Variants in GABBR2 observed in about 807,000 individuals in gnomAD.
GABBR2 encodes gamma-aminobutyric acid type B receptor subunit 2.
GABBR2 carries 23 observed loss-of-function variants against 105.6 expected under a neutral mutation model. The ratio of observed to expected loss-of-function variants is 0.22; its 90% CI spans 0.16 to 0.31. The LOEUF (loss-of-function observed/expected upper bound fraction) is 0.31, where lower values mean the gene tolerates loss of function less well. GABBR2 is among the 10% of genes least tolerant of loss of function. GABBR2 has a pLI of 1.00. For synonymous variants in GABBR2, 478 were observed against 499.7 expected, an observed-to-expected ratio of 0.96 and a Z score of 0.58; for missense variants, 734 against 1,245.5, an observed-to-expected ratio of 0.59 and a Z score of 6.18.
chr9:98,651,958 T>C (rs748210774), intron 1 of GABBR2, among the ~76,000 whole-genome samples: 2 of 152,132 alleles, frequency 1.3e-5, no homozygotes, highest in Non-Finnish European at 2.9e-5. Context: ...TCATATAACA[T>C]GTGAGATTAG....
At chr9:98,659,951 A>G (rs567032067) in intron 1 of GABBR2, among the ~76,000 whole-genome samples, 5 of 152,326 alleles carry the variant, frequency 3.3e-5, no homozygotes, top group African/African-American at 1.2e-4. Flanking sequence ...AGAAATAACC[A>G]CTATTAAAAT....
chr9:98,394,366 G>T, intron 8 of GABBR2, 111 bp from the exon 9 acceptor site: 2 of 730,480 alleles, frequency 2.7e-6, no homozygotes, highest in Non-Finnish European at 2.4e-6. Context: ...ATTCTGGCAG[G>T]CTTCCCTTTC....
At chr9:98,611,593 G>A (rs1269278440) in intron 1 of GABBR2, among the ~76,000 whole-genome samples, 1 of 152,148 alleles carries the variant, frequency 6.6e-6, no homozygotes, top group Non-Finnish European at 1.5e-5. Context: ...GTAGGCCCAG[G>A]AAAAATGAGC....
intron 1 of GABBR2, among the ~76,000 whole-genome samples, chr9:98,690,387 C>T (rs1031330511): frequency 2.0e-5 from 3 of 152,182 alleles, no homozygotes; most frequent in African/African-American, 7.2e-5. Flanking sequence ...TTGCTAAACA[C>T]CTAAAACTGA....
intron 11 of GABBR2, among the ~76,000 whole-genome samples, chr9:98,379,015 C>T (rs189917403): frequency 1.3e-5 from 2 of 152,200 alleles, no homozygotes; most frequent in African/African-American, 4.8e-5. Context: ...GCTTCTTAGG[C>T]CAGATTCCAA....
chr9:98,594,188 A>G (rs1829192885), intron 1 of GABBR2, among the ~76,000 whole-genome samples: 1 of 152,098 alleles, frequency 6.6e-6, no homozygotes, highest in Admixed American at 6.5e-5. Context: ...CTGTGTTCCC[A>G]TCTCAACATC....
intron 18 of GABBR2, among the ~76,000 whole-genome samples, 182 bp downstream of exon 18, chr9:98,293,603 C>A (rs1439477454): frequency 2.0e-5 from 3 of 152,186 alleles, no homozygotes; most frequent in African/African-American, 7.2e-5. Context: ...GGCAAGTCAC[C>A]TCCCCTTTTT....
intron 2 of GABBR2, chr9:98,551,932 G>A (rs994089316): frequency 2.6e-5 from 4 of 152,182 alleles, no homozygotes; most frequent in Admixed American, 2.0e-4. Flanking sequence ...TCTATGCTTC[G>A]CGAACATTGA....
intron 8 of GABBR2, among the ~76,000 whole-genome samples, chr9:98,405,734 A>C (rs532548666): frequency 9.1e-4 from 138 of 152,346 alleles, no homozygotes; most frequent in African/African-American, 3.3e-3. Flanking sequence ...AAATGTAAAT[A>C]GTTGTTATAC....
chr9:98,691,476 G>A (rs752746098), intron 1 of GABBR2, among the ~76,000 whole-genome samples: 6 of 152,178 alleles, frequency 3.9e-5, no homozygotes, highest in Non-Finnish European at 7.4e-5. Flanking sequence ...CCAGCTCTCC[G>A]TTGACTGGGG....
intron 7 of GABBR2, among the ~76,000 whole-genome samples, chr9:98,423,842 G>A (rs547401823): frequency 4.5e-4 from 68 of 152,224 alleles, no homozygotes; most frequent in African/African-American, 1.6e-3. Context: ...AGTTTTCCCA[G>A]CACCATTTAT....
intron 1 of GABBR2, among the ~76,000 whole-genome samples, chr9:98,685,825 T>C (rs939355871): frequency 3.9e-5 from 6 of 152,154 alleles, no homozygotes; most frequent in Non-Finnish European, 5.9e-5. Flanking sequence ...CCCAAGTAGC[T>C]GGGACTACAC....
intron 14 of GABBR2, among the ~76,000 whole-genome samples, chr9:98,307,439 C>T (rs919660079): frequency 1.3e-5 from 2 of 151,986 alleles, no homozygotes; most frequent in Non-Finnish European, 2.9e-5. Context: ...AGTGCAGCCC[C>T]TCCAAGAGGC....
At chr9:98,626,988 G>A (rs772560463) in intron 1 of GABBR2, among the ~76,000 whole-genome samples, 17 of 152,272 alleles carry the variant, frequency 1.1e-4, no homozygotes, top group Middle Eastern at 3.4e-3. Context: ...GTTTGAAACC[G>A]CCTTTCTTGA....
At chr9:98,693,971 G>A (rs1830717187) in intron 1 of GABBR2, among the ~76,000 whole-genome samples, 1 of 152,222 alleles carries the variant, frequency 6.6e-6, no homozygotes, top group Non-Finnish European at 1.5e-5. Context: ...GAGGTAGCCA[G>A]CTAGCAACTG....
chr9:98,658,086 A>G (rs1830206297), intron 1 of GABBR2, among the ~76,000 whole-genome samples: 1 of 152,212 alleles, frequency 6.6e-6, no homozygotes, highest in South Asian at 2.1e-4. Context: ...CTTTACATAT[A>G]TTCCTTTTAA....
chr9:98,444,879 G>GCACACA lies in GABBR2; in HGVS notation c.1236+9096_1236+9101dup, dbSNP rs34280193. ...CATGCATATGCACATGCGCGCGCGC[G>GCACACA]CACACACACACACACACACACGCAC... On this transcript the variant is annotated intron_variant, in intron 7 of 18. Coordinates refer to ENST00000259455, the MANE Select transcript of GABBR2 (RefSeq NM_005458.8). Among the ~76,000 whole-genome samples, 8 of 151,046 alleles carry GCACACA rather than the reference G, an allele frequency of 5.3e-5. No individual in the cohort carries two copies. In the East Asian group the frequency reaches 1.6e-3, roughly 30 times the overall value.
rs1397567676 is a variant in GABBR2, at chr9:98,623,471, G to A, written c.322-45399C>T. On this transcript the variant is annotated intron_variant, in intron 1 of 18. Coordinates refer to ENST00000259455, the MANE Select transcript of GABBR2 (RefSeq NM_005458.8). ...ATATTTTTAAAAAACATACAAAAAC[G>A]CATAATTGTCTTACAGTTTTGAAGG... 3.3e-5 allele frequency among the ~76,000 whole-genome samples: 5 copies of A among 152,102 alleles called. No individual in the cohort carries two copies. In the South Asian group the frequency reaches 6.2e-4, roughly 19 times the overall value.
chr9:98,346,321 T>C (rs1831303230), intron 13 of GABBR2, among the ~76,000 whole-genome samples: 1 of 152,262 alleles, frequency 6.6e-6, no homozygotes, highest in African/African-American at 2.4e-5. Context: ...TTCTTTGTTG[T>C]CATTTCAACA....
Sources: allele counts gnomAD v4.1 joint callset (sites outside exome capture counted in the v4.1 genomes callset), GRCh38; gene constraint gnomAD v4.1.1; transcripts MANE v1.5; gene names NCBI Gene and HGNC (gene_info 2026-07-23, HGNC 2026-07-21).